USP6NL: variants seen among roughly 807,000 people sequenced by gnomAD.
USP6NL encodes the protein USP6 N-terminal like, also known as USP6 N-terminal-like protein.
A neutral mutation model predicts 61.9 loss-of-function variants in USP6NL; 26 were observed. That is an observed-to-expected ratio of 0.42 (90% confidence interval 0.31 to 0.58). The LOEUF (loss-of-function observed/expected upper bound fraction) is 0.58. Ranked by LOEUF, USP6NL falls within the 20% of genes least tolerant of loss-of-function variation. USP6NL has a pLI of 0.16. For synonymous variants in USP6NL, 432 were observed against 390.1 expected (o/e 1.11, Z -1.27); for missense variants, 1,114 against 1,034.3 (o/e 1.08, Z -1.06).
intron 1 of USP6NL, among the ~76,000 whole-genome samples, chr10:11,609,809 G>A (rs1032561734): frequency 1.3e-5 from 2 of 152,190 alleles, no homozygotes; most frequent in Non-Finnish European, 2.9e-5. Flanking sequence ...GCCAGAGGAT[G>A]ATCAATCACC....
Position 11,462,238 on chromosome 10 carries a change from G to A in USP6NL, c.*203C>T, listed in dbSNP as rs2096217116. ...ATGTTTCCGGGTTAAATTCTAACAG[G>A]TCAGTGATGATGCAATTGAAACGCT... On this transcript the variant is annotated 3_prime_UTR_variant, in exon 15 of 15. Coordinates refer to ENST00000609104, the MANE Select transcript of USP6NL (RefSeq NM_014688.5). 17 of 616,054 alleles carry A rather than the reference G, an allele frequency of 2.8e-5. No individual in the cohort carries two copies. The East Asian group carries it at 4.9e-4, about 18-fold the overall frequency. The allele number at this position is 616,054 out of a possible 1,614,324, so 38.2% of individuals were successfully genotyped here.
At position 11,485,831 on chromosome 10, in the gene USP6NL, G is replaced by A; in HGVS notation, c.745C>T (p.Leu249Phe). The A allele has an allele frequency of 6.4e-7, 1 of 1,553,922 alleles. No homozygotes were observed. ...EKILNKFLSK[L>F]KQHLDSQEIY... ...CATCTACCTACCAAGTGTTGCTTAA[G>A]CTTGGACAGAAATTTGTTCAGTATT... The change falls in exon 11 of 15, where the codon CTT becomes TTT. Residue 249 changes from leucine (L) to phenylalanine (F), a missense_variant. Physicochemically the swap from Leu to Phe is conservative, Grantham distance 22. Transcript: ENST00000609104. The surrounding 1 kb of genome is among the most constrained non-coding windows in gnomAD (Gnocchi z 4.8).
chr10:11,559,504 T>C (rs1836841626), intron 2 of USP6NL, among the ~76,000 whole-genome samples: 1 of 152,142 alleles, frequency 6.6e-6, no homozygotes, highest in African/African-American at 2.4e-5. Context: ...ATAATCACTT[T>C]AGGATAGTAT....
intron 2 of USP6NL, among the ~76,000 whole-genome samples, chr10:11,580,812 T>G (rs960673928): frequency 6.6e-6 from 1 of 152,116 alleles, no homozygotes; most frequent in South Asian, 2.1e-4. Context: ...ATGATTTCAC[T>G]CGTTGGATGG....
Position 11,474,109 on chromosome 10 carries a change from A to G in USP6NL, c.1078+7661T>C, listed in dbSNP as rs1048737162. ...CAAGTTTACCTGGGAAAAAAGTCTT[A>G]ATTCCTGAAGATCCAGAACTAAATG... On this transcript the variant is annotated intron_variant, in intron 14 of 14. Coordinates refer to ENST00000609104, the MANE Select transcript of USP6NL (RefSeq NM_014688.5). The surrounding 1 kb of genome is among the most constrained non-coding windows in gnomAD (Gnocchi z 4.9). Among the ~76,000 whole-genome samples the G allele has an allele frequency of 8.5e-5, 13 of 152,176 alleles. No homozygotes were observed. The highest frequency in any genetic ancestry group is 8.5e-4 in the Admixed American group (13 of 15,286).
At chr10:11,606,795 C>CTT (rs1027919067) in intron 1 of USP6NL, among the ~76,000 whole-genome samples, 2 of 141,662 alleles carry the variant, frequency 1.4e-5, no homozygotes, top group East Asian at 2.0e-4. Flanking sequence ...GAAATTTTTT[C>CTT]TTTTTTTTTT....
At chr10:11,578,716 G>A (rs1837640391) in intron 2 of USP6NL, among the ~76,000 whole-genome samples, 2 of 152,178 alleles carry the variant, frequency 1.3e-5, no homozygotes, top group Non-Finnish European at 2.9e-5. Context: ...TTAGAACAGT[G>A]ATTTGAGAAT....
intron 6 of USP6NL, among the ~76,000 whole-genome samples, chr10:11,502,071 A>G (rs1419818681): frequency 6.6e-6 from 1 of 152,098 alleles, no homozygotes; most frequent in Non-Finnish European, 1.5e-5. Context: ...ATCCTGGCTA[A>G]CACAGTGAAA....
chr10:11,466,547 T>C (rs1303492463), intron 14 of USP6NL, among the ~76,000 whole-genome samples: 2 of 152,304 alleles, frequency 1.3e-5, no homozygotes, highest in East Asian at 1.9e-4. Flanking sequence ...GCTATGAGGA[T>C]AAGAGTTAAT....
At chr10:11,497,350 G>T (rs1345128145) in intron 7 of USP6NL, among the ~76,000 whole-genome samples, 2 of 148,682 alleles carry the variant, frequency 1.3e-5, no homozygotes, top group African/African-American at 4.9e-5. Flanking sequence ...GGCGGAGCTT[G>T]CAGTGAGCCA....
At chr10:11,546,432 T>G (rs1836273362) in intron 2 of USP6NL, among the ~76,000 whole-genome samples, 1 of 152,148 alleles carries the variant, frequency 6.6e-6, no homozygotes, top group African/African-American at 2.4e-5. Flanking sequence ...GACGGAGTCT[T>G]GATCTGTCGC....
In USP6NL at chr10:11,537,684, C is replaced by G. The variant is rs116452423; in HGVS notation, c.5-10117G>C. ...TGCCCAGTTGCCAAGCAAGTAGGGT[C>G]AGTGGGGCTGGGGAGGATGCAGCAA... On this transcript the variant is annotated intron_variant, in intron 2 of 14. Coordinates refer to ENST00000609104, the MANE Select transcript of USP6NL (RefSeq NM_014688.5). The surrounding 1 kb of genome is among the most constrained non-coding windows in gnomAD (Gnocchi z 5.1). Among the ~76,000 whole-genome samples, 383 of 152,312 alleles carry G rather than the reference C, an allele frequency of 2.5e-3. 2 individuals carry two copies. The highest frequency in any genetic ancestry group is 8.3e-3 in the African/African-American group (347 of 41,562).
intron 14 of USP6NL, among the ~76,000 whole-genome samples, chr10:11,466,749 A>G (rs1345170311): frequency 6.6e-6 from 1 of 152,160 alleles, no homozygotes; most frequent in Non-Finnish European, 1.5e-5. Flanking sequence ...AGCCTACTGC[A>G]CACCGAGGCT....
intron 2 of USP6NL, among the ~76,000 whole-genome samples, chr10:11,582,417 A>T (rs933023822): frequency 6.6e-6 from 1 of 152,254 alleles, no homozygotes; most frequent in African/African-American, 2.4e-5. Context: ...TAAGTTTTAA[A>T]GGAGGAAAAA....
Position 11,585,673 on chromosome 10 carries a change from A to T in USP6NL, c.4+11958T>A, listed in dbSNP as rs1354245239. 2.0e-5 allele frequency among the ~76,000 whole-genome samples: 3 copies of T among 152,190 alleles called. No individual in the cohort carries two copies. Among genetic ancestry groups the T allele is most frequent in the Non-Finnish European group, 2.9e-5 (2 of 68,034 alleles). On this transcript the variant is annotated intron_variant, in intron 2 of 14. Transcript: ENST00000609104. This position sits in a 1 kb window ranked among gnomAD's most constrained non-coding sequence, Gnocchi z 4.5. ...GTGAGACTCCATCTCAAAAATAAAT[A>T]AATTAAATTAAATTGAATAAAAATT...
At chr10:11,550,149 G>A (rs776484675) in intron 2 of USP6NL, among the ~76,000 whole-genome samples, 8 of 152,070 alleles carry the variant, frequency 5.3e-5, no homozygotes, top group Non-Finnish European at 7.4e-5. Flanking sequence ...AATAAACCAC[G>A]AACATATATG....
intron 3 of USP6NL, among the ~76,000 whole-genome samples, chr10:11,526,232 A>G (rs886100407): frequency 2.8e-4 from 42 of 152,200 alleles, no homozygotes; most frequent in African/African-American, 8.7e-4. Flanking sequence ...TGATCAGTGA[A>G]GAAACCCCAA....
chr10:11,530,436 G>C (rs928713246), intron 2 of USP6NL, among the ~76,000 whole-genome samples: 1 of 152,096 alleles, frequency 6.6e-6, no homozygotes, highest in Non-Finnish European at 1.5e-5. Flanking sequence ...GATCACTGTC[G>C]GTCTATAGAG....
intron 6 of USP6NL, among the ~76,000 whole-genome samples, chr10:11,508,326 T>C (rs1834547405): frequency 6.6e-6 from 1 of 152,234 alleles, no homozygotes. Context: ...GGGACACTAT[T>C]ATCTCCATTC....
Sources: allele counts gnomAD v4.1 joint callset (sites outside exome capture counted in the v4.1 genomes callset), GRCh38; gene constraint gnomAD v4.1.1; non-coding constraint Gnocchi (gnomAD v3.1); transcripts MANE v1.5; gene names NCBI Gene and HGNC (gene_info 2026-07-23, HGNC 2026-07-21).